Variants in PLPP1 observed in about 807,000 individuals in gnomAD.
PLPP1 encodes phospholipid phosphatase 1.
A neutral mutation model predicts 31.2 loss-of-function variants in PLPP1; 24 were observed. The observed-to-expected ratio is 0.77, with a 90% CI of 0.56 to 1.08. The LOEUF (loss-of-function observed/expected upper bound fraction) is 1.08. Ranked by LOEUF, PLPP1 falls within the 50% of genes least tolerant of loss-of-function variation. The probability of loss-of-function intolerance (pLI) is 0.00; values close to 1 mark genes in which losing one functional copy is unlikely to be tolerated. For synonymous variants in PLPP1, 146 were observed against 126.3 expected (o/e 1.16, Z -1.05); for missense variants, 319 against 342.7 (o/e 0.93, Z 0.55).
chr5:55,519,530 C>T (rs1156410397), intron 1 of PLPP1, among the ~76,000 whole-genome samples: 1 of 152,030 alleles, frequency 6.6e-6, no homozygotes, highest in Non-Finnish European at 1.5e-5. Context: ...GGGTGGATCA[C>T]CTGAGGTCAG....
At chr5:55,513,408 G>A (rs1257589979) in intron 1 of PLPP1, among the ~76,000 whole-genome samples, 1 of 151,674 alleles carries the variant, frequency 6.6e-6, no homozygotes, top group Admixed American at 6.6e-5. Flanking sequence ...CTACAGGCAG[G>A]TACCACCACA....
intron 1 of PLPP1, among the ~76,000 whole-genome samples, chr5:55,477,046 AAAAAT>A (rs1752565219): frequency 1.8e-5 from 1 of 56,074 alleles, no homozygotes; most frequent in Non-Finnish European, 4.6e-5. Context: ...AGAAAAAAAA[AAAAAT>A]AATAAACTAG....
intron 3 of PLPP1, among the ~76,000 whole-genome samples, chr5:55,466,638 G>A (rs937803218): frequency 6.6e-6 from 1 of 152,016 alleles, no homozygotes; most frequent in African/African-American, 2.4e-5. Flanking sequence ...GGGAGGCAGA[G>A]GCTGCAGTGA....
At chr5:55,474,558 G>T (rs544910788) in intron 2 of PLPP1, among the ~76,000 whole-genome samples, 2 of 152,262 alleles carry the variant, frequency 1.3e-5, no homozygotes, top group East Asian at 3.9e-4. Context: ...CTTGCATTCA[G>T]TACCAGTAAA....
intron 1 of PLPP1, among the ~76,000 whole-genome samples, chr5:55,517,243 T>C (rs547817441): frequency 6.6e-6 from 1 of 152,310 alleles, no homozygotes; most frequent in South Asian, 2.1e-4. Context: ...GGCTAGAGTA[T>C]AGTGGTGCAA....
intron 1 of PLPP1, among the ~76,000 whole-genome samples, chr5:55,528,206 A>G (rs541641156): frequency 1.3e-5 from 2 of 152,234 alleles, no homozygotes; most frequent in East Asian, 1.9e-4. Context: ...GCCCTATATC[A>G]AGTTGGAAAA....
chr5:55,508,304 T>A (rs544200435), intron 1 of PLPP1, among the ~76,000 whole-genome samples: 1 of 152,208 alleles, frequency 6.6e-6, no homozygotes, highest in Non-Finnish European at 1.5e-5. Flanking sequence ...GGAAAAGATA[T>A]GGCAAGCAGG....
intron 1 of PLPP1, among the ~76,000 whole-genome samples, chr5:55,493,482 C>T (rs1752940292): frequency 6.6e-6 from 1 of 152,128 alleles, no homozygotes; most frequent in South Asian, 2.1e-4. Flanking sequence ...GTGACTAACA[C>T]CTGTAATCCC....
intron 1 of PLPP1, among the ~76,000 whole-genome samples, chr5:55,493,115 C>A (rs1418219884): frequency 6.6e-6 from 1 of 152,140 alleles, no homozygotes; most frequent in African/African-American, 2.4e-5. Flanking sequence ...GAGTTCAAGA[C>A]TAGCCTGGGC....
intron 1 of PLPP1, among the ~76,000 whole-genome samples, chr5:55,476,037 G>A (rs753707910): frequency 5.5e-5 from 8 of 146,312 alleles, no homozygotes; most frequent in Non-Finnish European, 1.0e-4. Context: ...AGAGTGCGAT[G>A]GTGCGATCAT....
At chr5:55,490,139 CTTTT>C (rs1752856181) in intron 1 of PLPP1, among the ~76,000 whole-genome samples, 2 of 114,600 alleles carry the variant, frequency 1.7e-5, no homozygotes, top group Admixed American at 1.7e-4. Flanking sequence ...AGTGACTTTT[CTTTT>C]CTTTTTTTTT....
chr5:55,478,674 A>G (rs1297993003), intron 1 of PLPP1, among the ~76,000 whole-genome samples: 1 of 152,174 alleles, frequency 6.6e-6, no homozygotes, highest in African/African-American at 2.4e-5. Flanking sequence ...CCACTAAGGC[A>G]GACATGAGTG....
At chr5:55,453,033 T>C (rs1017840523) in intron 3 of PLPP1, among the ~76,000 whole-genome samples, 14 of 152,278 alleles carry the variant, frequency 9.2e-5, no homozygotes, top group African/African-American at 3.1e-4. Context: ...TGTGGTTTTT[T>C]TCCTTTTTTG....
chr5:55,425,155 T>TG lies in PLPP1; in HGVS notation c.*50_*51insC. 6.3e-7 allele frequency: 1 copy of TG among 1,579,322 alleles called. No individual in the cohort carries two copies. Among genetic ancestry groups the TG allele is most frequent in the Non-Finnish European group, 8.6e-7 (1 of 1,165,500 alleles). On this transcript the variant is annotated 3_prime_UTR_variant, in exon 6 of 6. Coordinates refer to ENST00000307259, the MANE Select transcript of PLPP1 (RefSeq NM_003711.4). The stretch of plus-strand genomic sequence containing the variant: ...GATGCATCCTCTTGCCTTGTGGCAA[T>TG]CATTTTCCTTTAGAAAACAGGCCAG...
intron 4 of PLPP1, among the ~76,000 whole-genome samples, chr5:55,428,936 A>G (rs953945876): frequency 1.3e-5 from 2 of 152,026 alleles, no homozygotes; most frequent in Non-Finnish European, 2.9e-5. Context: ...TATTACTTTT[A>G]ATTCCCCTTC....
At chr5:55,502,254 C>A (rs942065099) in intron 1 of PLPP1, among the ~76,000 whole-genome samples, 2 of 152,018 alleles carry the variant, frequency 1.3e-5, no homozygotes, top group African/African-American at 4.8e-5. Context: ...TTAGGGAGGC[C>A]GAAGCAGGCA....
intron 1 of PLPP1, among the ~76,000 whole-genome samples, chr5:55,528,660 C>T (rs923082336): frequency 2.0e-5 from 3 of 152,138 alleles, no homozygotes; most frequent in African/African-American, 7.2e-5. Flanking sequence ...GCTAAAACAT[C>T]GCGCCTTTTC....
intron 1 of PLPP1, among the ~76,000 whole-genome samples, chr5:55,498,334 G>T (rs1324622903): frequency 6.6e-6 from 1 of 152,006 alleles, no homozygotes; most frequent in Non-Finnish European, 1.5e-5. Flanking sequence ...AGGAAAAAGA[G>T]GTAGATCCTA....
intron 1 of PLPP1, among the ~76,000 whole-genome samples, chr5:55,499,834 T>C (rs151027884): frequency 6.6e-6 from 1 of 152,052 alleles, no homozygotes; most frequent in East Asian, 1.9e-4. Flanking sequence ...TATATTCTTA[T>C]AGGAATACCA....
Sources: gnomAD v4.1 joint callset for allele counts (sites outside exome capture counted in the v4.1 genomes callset) on GRCh38, gnomAD v4.1.1 for gene constraint, MANE v1.5 for transcripts, NCBI Gene and HGNC (gene_info 2026-07-23, HGNC 2026-07-21) for gene names.